CCDC178: variants seen among roughly 807,000 people sequenced by gnomAD.
The protein encoded by CCDC178 is coiled-coil domain containing 178.
A neutral mutation model predicts 117.4 loss-of-function variants in CCDC178; 126 were observed. That is an observed-to-expected ratio of 1.07 (90% confidence interval 0.93 to 1.24). The LOEUF (loss-of-function observed/expected upper bound fraction) is 1.24, where lower values mean the gene tolerates loss of function less well. Ranked by LOEUF, CCDC178 falls within the 50% of genes most tolerant of loss-of-function variation. CCDC178 has a pLI of 0.00. For synonymous variants in CCDC178, 283 were observed against 313.4 expected, an observed-to-expected ratio of 0.90 and a Z score of 1.02; for missense variants, 1,030 against 986.9, an observed-to-expected ratio of 1.04 and a Z score of -0.59.
intron 2 of CCDC178, among the ~76,000 whole-genome samples, chr18:33,428,537 T>C (rs539755338): frequency 1.3e-5 from 2 of 151,724 alleles, no homozygotes; most frequent in Admixed American, 1.3e-4. Flanking sequence ...ATCAAGACCA[T>C]GCTGGCCAAC....
At chr18:33,336,190 G>A (rs963214459) in intron 9 of CCDC178, among the ~76,000 whole-genome samples, 15 of 152,224 alleles carry the variant, frequency 9.9e-5, no homozygotes, top group South Asian at 6.2e-4. Context: ...CTCAATCTGA[G>A]CCACAGGTTG....
In CCDC178 at chr18:33,246,881, T is replaced by A. The variant is rs75087012; in HGVS notation, c.1410-1453A>T. ...TGAATCAGTAATTGCAATAATGTTATCCCCAATATCATCTTTGTATGATCA... is the reference window on the plus strand; with the variant it reads ...TGAATCAGTAATTGCAATAATGTTAACCCCAATATCATCTTTGTATGATCA... On this transcript the variant is annotated intron_variant, in intron 14 of 22. Transcript: ENST00000383096. Among the ~76,000 whole-genome samples the A allele has an allele frequency of 5.9e-4, 90 of 151,920 alleles. 1 individual carries two copies. In the East Asian group the frequency reaches 0.016, roughly 26 times the overall value.
intron 15 of CCDC178, among the ~76,000 whole-genome samples, chr18:33,243,515 T>G (rs2144684992): frequency 6.6e-6 from 1 of 151,928 alleles, no homozygotes; most frequent in Non-Finnish European, 1.5e-5. Context: ...AATAAATATC[T>G]ACAATTATTA....
chr18:33,124,586 C>A (rs1234028664), intron 20 of CCDC178, among the ~76,000 whole-genome samples: 6 of 152,074 alleles, frequency 3.9e-5, no homozygotes, highest in Non-Finnish European at 8.8e-5. Flanking sequence ...TAGCTTTTTC[C>A]CTTTTTAATC....
intron 20 of CCDC178, among the ~76,000 whole-genome samples, chr18:33,147,356 A>AT (rs575608507): frequency 0.014 from 1,323 of 94,602 alleles, 17 homozygotes; most frequent in Middle Eastern, 0.036. Context: ...TGCCTTTTTA[A>AT]TTTTTTTTTT....
chr18:33,309,645 C>T (rs999241662), intron 11 of CCDC178, among the ~76,000 whole-genome samples: 1 of 151,836 alleles, frequency 6.6e-6, no homozygotes, highest in Non-Finnish European at 1.5e-5. Context: ...TTCTTTTTTC[C>T]TAGGCTTTCA....
At chr18:33,144,338 C>A (rs2058245587) in intron 20 of CCDC178, among the ~76,000 whole-genome samples, 1 of 151,952 alleles carries the variant, frequency 6.6e-6, no homozygotes, top group African/African-American at 2.4e-5. Flanking sequence ...ATTTTACATA[C>A]CTGCTCCTTC....
At chr18:32,970,775 G>A (rs1028027884) in intron 22 of CCDC178, among the ~76,000 whole-genome samples, 1 of 152,002 alleles carries the variant, frequency 6.6e-6, no homozygotes, top group Non-Finnish European at 1.5e-5. Context: ...TTTCACTGAT[G>A]GTATAAAGGC....
chr18:33,412,447 A>C (rs1488940871), intron 2 of CCDC178, among the ~76,000 whole-genome samples: 1 of 142,772 alleles, frequency 7.0e-6, no homozygotes, highest in African/African-American at 2.6e-5. Flanking sequence ...TTTTCATTTC[A>C]TATAATAAAA....
At chr18:33,276,922 A>T (rs1007273328) in intron 12 of CCDC178, among the ~76,000 whole-genome samples, 17 of 152,130 alleles carry the variant, frequency 1.1e-4, no homozygotes, top group Admixed American at 5.2e-4. Flanking sequence ...TTCCCAATTT[A>T]AAAAACTACT....
intron 14 of CCDC178, among the ~76,000 whole-genome samples, chr18:33,256,099 A>G (rs1390683697): frequency 6.6e-6 from 1 of 152,038 alleles, no homozygotes; most frequent in African/African-American, 2.4e-5. Flanking sequence ...GGACTGCTTT[A>G]TGTCAAAAAA....
intron 12 of CCDC178, among the ~76,000 whole-genome samples, chr18:33,286,066 C>T (rs993396511): frequency 6.6e-6 from 1 of 150,874 alleles, no homozygotes; most frequent in South Asian, 2.1e-4. Context: ...CTCTGCCTCC[C>T]GGTTTCAAGC....
At chr18:33,162,452 G>C (rs2058477004) in intron 20 of CCDC178, among the ~76,000 whole-genome samples, 1 of 151,962 alleles carries the variant, frequency 6.6e-6, no homozygotes, top group South Asian at 2.1e-4. Flanking sequence ...TATTATTTTA[G>C]GTTCAGGGTT....
intron 17 of CCDC178, 107 bp from the exon 18 acceptor site, chr18:33,223,326 T>C: frequency 5.6e-6 from 7 of 1,241,484 alleles, no homozygotes; most frequent in Non-Finnish European, 7.4e-6. Flanking sequence ...GCATTTATTT[T>C]GGCAAATAAA....
chr18:33,057,497 GA>G (rs1045577259), intron 21 of CCDC178, among the ~76,000 whole-genome samples: 4 of 151,972 alleles, frequency 2.6e-5, no homozygotes, highest in Non-Finnish European at 5.9e-5. Context: ...AGACGTAACT[GA>G]ATTTTTTTTT....
chr18:33,190,214 C>T (rs2058841307), intron 20 of CCDC178, among the ~76,000 whole-genome samples: 1 of 152,170 alleles, frequency 6.6e-6, no homozygotes, highest in African/African-American at 2.4e-5. Flanking sequence ...ATTTGGAAGA[C>T]TAATTAGTGA....
intron 21 of CCDC178, among the ~76,000 whole-genome samples, chr18:33,037,116 C>G (rs774433374): frequency 6.6e-6 from 1 of 151,836 alleles, no homozygotes; most frequent in Non-Finnish European, 1.5e-5. Flanking sequence ...ATATAAGCAT[C>G]GACTACTAGA....
chr18:32,955,286 T>C (rs902388084), intron 22 of CCDC178, among the ~76,000 whole-genome samples: 1 of 152,210 alleles, frequency 6.6e-6, no homozygotes, highest in African/African-American at 2.4e-5. Flanking sequence ...GCTCCTGTTA[T>C]CTCTTCACAC....
chr18:33,084,750 G>A (rs1567978166), intron 21 of CCDC178, among the ~76,000 whole-genome samples: 1 of 151,502 alleles, frequency 6.6e-6, no homozygotes, highest in Non-Finnish European at 1.5e-5. Flanking sequence ...GGAGGAGGTT[G>A]CAGTGAGCCG....
Sources: allele counts gnomAD v4.1 joint callset (sites outside exome capture counted in the v4.1 genomes callset), GRCh38; gene constraint gnomAD v4.1.1; transcripts MANE v1.5; gene names NCBI Gene and HGNC (gene_info 2026-07-23, HGNC 2026-07-21).